Variants in F11R observed in about 807,000 individuals in gnomAD.
F11R encodes F11 receptor, also known as junctional adhesion molecule A.
A neutral mutation model predicts 39.3 loss-of-function variants in F11R; 27 were observed. That is an observed-to-expected ratio of 0.69 (90% CI 0.51 to 0.95). The LOEUF (loss-of-function observed/expected upper bound fraction) is 0.95, where lower values mean the gene tolerates loss of function less well. Among genes scored for constraint, F11R ranks in the 40% least tolerant of loss-of-function variants. F11R has a pLI of 0.00. For missense variants in F11R, 335 were observed against 372.7 expected, an observed-to-expected ratio of 0.90 and a Z score of 0.83; for synonymous variants, 131 against 144.9, an observed-to-expected ratio of 0.90 and a Z score of 0.69.
Position 161,005,146 on chromosome 1 carries a change from C to T in F11R, c.65-3793G>A, listed in dbSNP as rs189912729. Among the ~76,000 whole-genome samples the T allele has an allele frequency of 5.4e-5, 8 of 147,110 alleles. No individual in the cohort carries two copies. In the Admixed American group the frequency reaches 5.5e-4, roughly 10 times the overall value. On this transcript the variant is annotated intron_variant, in intron 1 of 9. Coordinates refer to ENST00000368026, the MANE Select transcript of F11R (RefSeq NM_016946.6). ...CTGCACTCCAGCCTGGGTGACAGAG[C>T]AAGACTCTGTCTCAAAAATAAAATA...
At chr1:161,007,102 C>T (rs1648862413) in intron 1 of F11R, among the ~76,000 whole-genome samples, 1 of 149,300 alleles carries the variant, frequency 6.7e-6, no homozygotes. Context: ...ACCTGGGAAG[C>T]AGAGGTTGCA....
At chr1:161,008,648 T>C (rs1360514810) in intron 1 of F11R, among the ~76,000 whole-genome samples, 1 of 152,224 alleles carries the variant, frequency 6.6e-6, no homozygotes, top group African/African-American at 2.4e-5. Context: ...AGTTGGGTGA[T>C]TCTATCGTTA....
intron 1 of F11R, 29 bp downstream of exon 1, chr1:161,020,981 C>G (rs372574631): frequency 3.7e-6 from 6 of 1,611,796 alleles, no homozygotes; most frequent in Non-Finnish European, 5.1e-6. Flanking sequence ...CCCGACCAAC[C>G]GATTCCTCCC....
chr1:161,020,634 G>A (rs568558241), intron 1 of F11R, among the ~76,000 whole-genome samples: 15 of 152,238 alleles, frequency 9.9e-5, no homozygotes, highest in Non-Finnish European at 1.8e-4. Context: ...GGTGGCCGTT[G>A]GAGGGGCAGG....
intron 1 of F11R, among the ~76,000 whole-genome samples, chr1:161,014,462 G>A (rs1419003636): frequency 1.3e-5 from 2 of 152,138 alleles, no homozygotes; most frequent in African/African-American, 4.8e-5. Flanking sequence ...TCAGCATTTT[G>A]AAAGGCCAAG....
rs2101960698 is a variant in F11R at position 160,995,383 on chromosome 1, G to A, written c.*3488C>T. 6.6e-6 allele frequency: 1 copy of A among 152,326 alleles called. No homozygotes were observed. The highest frequency in any genetic ancestry group is 6.5e-5 in the Admixed American group (1 of 15,278). The allele number at this position is 152,326 out of a possible 1,614,324, so 9.4% of individuals were successfully genotyped here. On this transcript the variant is annotated 3_prime_UTR_variant, in exon 10 of 10. Transcript: ENST00000368026. ...TTGATCTGTAGATCCTGTTAAGACAGGAAAAACAGTGTTGGTCAAAGGGTA... is the reference window on the plus strand; with the variant it reads ...TTGATCTGTAGATCCTGTTAAGACAAGAAAAACAGTGTTGGTCAAAGGGTA...
intron 1 of F11R, among the ~76,000 whole-genome samples, chr1:161,003,125 T>TTTG (rs1648591082): frequency 7.0e-6 from 1 of 143,776 alleles, no homozygotes; most frequent in African/African-American, 2.6e-5. Flanking sequence ...ATTTTTGTAT[T>TTTG]TTTTTTTTTT....
chr1:160,999,198 G>A (rs1488176875), intron 8 of F11R, 107 bp from the exon 9 acceptor site: 5 of 1,514,092 alleles, frequency 3.3e-6, no homozygotes, highest in East Asian at 4.6e-5. Context: ...AGCACAGAGT[G>A]CGCAGCAGAC....
intron 1 of F11R, among the ~76,000 whole-genome samples, chr1:161,012,557 A>G (rs1336353418): frequency 6.6e-6 from 1 of 151,882 alleles, no homozygotes; most frequent in Non-Finnish European, 1.5e-5. Context: ...AAAGAAAAAA[A>G]GAATTTTCCT....
Position 160,995,788 on chromosome 1 carries a change from T to C in F11R, c.*3083A>G, listed in dbSNP as rs1411712292. On this transcript the variant is annotated 3_prime_UTR_variant, in exon 10 of 10. Coordinates refer to ENST00000368026, the MANE Select transcript of F11R (RefSeq NM_016946.6). ...ACACACACACAAAAATGGTGATGTG[T>C]TAATTGACCATGGCAATCATTACAC... 6.6e-6 allele frequency: 1 copy of C among 151,610 alleles called. No individual in the cohort carries two copies. Among genetic ancestry groups the C allele is most frequent in the Non-Finnish European group, 1.5e-5 (1 of 67,944 alleles). The allele number at this position is 151,610 out of a possible 1,614,324, so 9.4% of individuals were successfully genotyped here.
chr1:161,001,034 T>C lies in F11R; in HGVS notation c.227A>G (p.Asn76Ser), dbSNP rs751404388. ...QGDTTRLVCY[N>S]NKITASYEDR... ...AAGCAACTCACCTGTGATCTTGTTA[T>C]TATAGCAAACGAGTCTGGTGGTGTC... The change falls in exon 3 of 10, where the codon AAT (asparagine) becomes AGT (serine). Residue 76 changes from asparagine to serine, a missense_variant. By Grantham distance (46) the Asn-to-Ser change is conservative. Coordinates refer to ENST00000368026, the MANE Select transcript of F11R (RefSeq NM_016946.6). The C allele has an allele frequency of 1.2e-6, 2 of 1,613,968 alleles. No homozygotes were observed. Among genetic ancestry groups the C allele is most frequent in the South Asian group, 2.2e-5 (2 of 91,090 alleles).
chr1:161,020,042 GAC>G (rs950381638), intron 1 of F11R, among the ~76,000 whole-genome samples: 2 of 152,024 alleles, frequency 1.3e-5, no homozygotes, highest in South Asian at 2.1e-4. Context: ...AACACATACT[GAC>G]ACAACTACTC....
rs755489735 is a variant in F11R at position 161,000,294 on chromosome 1, C to T, written c.443G>A (p.Arg148Gln). The part of the protein sequence containing the change: ...NIPSSATIGN[R>Q]AVLTCSEQDG... ...TTGTTCTGAGCATGTCAGCACTGCC[C>T]GGTTCCCAATGGTGGCAGAGGAGGG... The change falls in exon 5 of 10, where the codon CGG becomes CAG. Residue 148 changes from arginine to glutamine, a missense_variant. Coordinates refer to ENST00000368026, the MANE Select transcript of F11R (RefSeq NM_016946.6). 6.2e-6 allele frequency: 10 copies of T among 1,613,954 alleles called. No homozygotes were observed. Among genetic ancestry groups the T allele is most frequent in the East Asian group, 4.5e-5 (2 of 44,896 alleles).
chr1:160,999,600 G>C (rs752501041), intron 7 of F11R, 40 bp downstream of exon 7: 12 of 1,577,224 alleles, frequency 7.6e-6, no homozygotes, highest in Non-Finnish European at 1.0e-5. Flanking sequence ...CCCTGGGATG[G>C]GGGCAGTACA....
rs760905435 is a variant in F11R at position 161,000,994 on chromosome 1, A to T, written c.241+26T>A. 59 of 1,584,958 alleles carry T rather than the reference A, an allele frequency of 3.7e-5. No individual in the cohort carries two copies. The Admixed American group carries it at 9.3e-4, about 25-fold the overall frequency. On this transcript the variant is annotated intron_variant, in intron 3 of 9. Coordinates refer to ENST00000368026, the MANE Select transcript of F11R (RefSeq NM_016946.6). ...TGATAATCCCTCCACAACCTAGGCAATCAGGAAGGAGGAGAAGCAACTCAC... is the reference window on the plus strand; with the variant it reads ...TGATAATCCCTCCACAACCTAGGCATTCAGGAAGGAGGAGAAGCAACTCAC...
intron 1 of F11R, among the ~76,000 whole-genome samples, chr1:161,010,156 T>G (rs557998835): frequency 6.6e-6 from 1 of 151,566 alleles, no homozygotes; most frequent in South Asian, 2.1e-4. Context: ...CTTAGAACAG[T>G]TGACCCAGGC....
intron 1 of F11R, among the ~76,000 whole-genome samples, chr1:161,013,979 G>A (rs1220242301): frequency 6.6e-6 from 1 of 152,200 alleles, no homozygotes; most frequent in Admixed American, 6.6e-5. Flanking sequence ...GACGCAGCCG[G>A]ACTTTAGACA....
intron 1 of F11R, among the ~76,000 whole-genome samples, chr1:161,012,869 C>T (rs1649251219): frequency 1.3e-5 from 2 of 152,126 alleles, no homozygotes; most frequent in Non-Finnish European, 2.9e-5. Flanking sequence ...AGGTGATCCA[C>T]CCGCCTCAGC....
intron 5 of F11R, 54 bp downstream of exon 5, chr1:161,000,092 T>TG: frequency 6.2e-7 from 1 of 1,605,662 alleles, no homozygotes; most frequent in Admixed American, 1.7e-5. Flanking sequence ...TCCCACCTTT[T>TG]GGGGTTCTAT....
Sources: allele counts gnomAD v4.1 joint callset (sites outside exome capture counted in the v4.1 genomes callset), GRCh38; gene constraint gnomAD v4.1.1; transcripts MANE v1.5; gene names NCBI Gene and HGNC (gene_info 2026-07-23, HGNC 2026-07-21).